EPM2A: variants seen among roughly 807,000 people sequenced by gnomAD.
The protein encoded by EPM2A is laforin.
EPM2A carries 21 observed loss-of-function variants against 26.5 expected under a neutral mutation model. The observed-to-expected ratio is 0.79, with a 90% CI of 0.56 to 1.14. The LOEUF (loss-of-function observed/expected upper bound fraction) is 1.14, where lower values mean the gene tolerates loss of function less well. Among genes scored for constraint, EPM2A ranks in the 50% most tolerant of loss-of-function variants. EPM2A has a pLI of 0.00. For synonymous variants in EPM2A, 217 were observed against 177.6 expected, an observed-to-expected ratio of 1.22 and a Z score of -1.76; for missense variants, 458 against 440.8, an observed-to-expected ratio of 1.04 and a Z score of -0.35.
chr6:145,403,583 T>C (rs542820251), intron 4 of EPM2A, among the ~76,000 whole-genome samples: 1 of 152,288 alleles, frequency 6.6e-6, no homozygotes, highest in East Asian at 1.9e-4. Flanking sequence ...CATGTTGTTG[T>C]AAATGATTAG....
At chr6:145,693,995 G>C (rs1781428986) in intron 1 of EPM2A, among the ~76,000 whole-genome samples, 3 of 151,834 alleles carry the variant, frequency 2.0e-5, no homozygotes, top group African/African-American at 4.8e-5. Context: ...ATTTTACATA[G>C]TTCTATAAGT....
intron 2 of EPM2A, among the ~76,000 whole-genome samples, chr6:145,536,734 A>C (rs375473809): frequency 1.3e-5 from 2 of 152,274 alleles, no homozygotes; most frequent in Middle Eastern, 3.4e-3. Context: ...AGTCATCCAC[A>C]CTCAGCCCCT....
At chr6:145,495,733 C>T (rs1779809235) in intron 4 of EPM2A, among the ~76,000 whole-genome samples, 1 of 152,106 alleles carries the variant, frequency 6.6e-6, no homozygotes, top group Non-Finnish European at 1.5e-5. Flanking sequence ...TGTGCCACCA[C>T]ACCTGGCTAA....
chr6:145,696,772 GGTATGT>G (rs1189685982), intron 1 of EPM2A, among the ~76,000 whole-genome samples: 134 of 110,798 alleles, frequency 1.2e-3, no homozygotes, highest in East Asian at 3.4e-3. Context: ...CACAGGTAGG[GGTATGT>G]GTGTGTGTGT....
chr6:145,719,027 C>G (rs1342695905), intron 1 of EPM2A, among the ~76,000 whole-genome samples: 1 of 152,182 alleles, frequency 6.6e-6, no homozygotes, highest in Non-Finnish European at 1.5e-5. Context: ...TGTTGGTGGA[C>G]TGTAAACTAG....
Position 145,625,912 on chromosome 6 carries a change from T to A in EPM2A, c.*1504A>T. On this transcript the variant is annotated 3_prime_UTR_variant, in exon 4 of 4. Transcript: ENST00000367519. ...AGAAAAATAAATACGCATCATAGTT[T>A]AATTAGGAAAGTAAGGGCTTTGAAT... 1 of 1,428,304 alleles carries A rather than the reference T, an allele frequency of 7.0e-7. No homozygotes were observed. The highest frequency in any genetic ancestry group is 9.2e-7 in the Non-Finnish European group (1 of 1,087,512). 88.5% of individuals were successfully genotyped at this position (1,428,304 alleles called of 1,614,324 possible). A position where few individuals can be genotyped will look rare whatever the true frequency, so the allele number is the denominator to read the frequency against.
chr6:145,527,108 G>A lies in EPM2A; in HGVS notation c.341-24533C>T, dbSNP rs958255935. On this transcript the variant is annotated intron_variant, in intron 2 of 3. Coordinates refer to the EPM2A transcript ENST00000450221. ...TTTATGTGGTTTTGAGAGATCTTCCGAATATTGATTTCTATTTTATTCCAC... is the reference window on the plus strand; with the variant it reads ...TTTATGTGGTTTTGAGAGATCTTCCAAATATTGATTTCTATTTTATTCCAC... Among the ~76,000 whole-genome samples, 5 of 152,046 alleles carry A rather than the reference G, an allele frequency of 3.3e-5. No individual in the cohort carries two copies. The East Asian group carries it at 5.8e-4, about 18-fold the overall frequency.
At chr6:145,469,793 G>T (rs1175445825) in intron 4 of EPM2A, among the ~76,000 whole-genome samples, 7 of 152,038 alleles carry the variant, frequency 4.6e-5, no homozygotes, top group Admixed American at 2.0e-4. Context: ...CAGATCAATG[G>T]ATAAAGAAAA....
intron 2 of EPM2A, among the ~76,000 whole-genome samples, chr6:145,605,537 T>G (rs2128550965): frequency 6.6e-6 from 1 of 152,194 alleles, no homozygotes; most frequent in South Asian, 2.1e-4. Context: ...CAGGAAAATG[T>G]AGGAGTATGA....
intron 4 of EPM2A, among the ~76,000 whole-genome samples, chr6:145,485,710 T>C (rs1262852223): frequency 6.6e-6 from 1 of 152,188 alleles, no homozygotes; most frequent in African/African-American, 2.4e-5. Flanking sequence ...TAGTCTGTTT[T>C]CATGATGCTG....
chr6:145,648,180 G>A (rs1321654444), intron 2 of EPM2A, among the ~76,000 whole-genome samples: 2 of 152,204 alleles, frequency 1.3e-5, no homozygotes, highest in East Asian at 1.9e-4. Flanking sequence ...GTAAATAGGT[G>A]GTGGATGGTG....
At chr6:145,610,918 A>G (rs1250456571) in intron 2 of EPM2A, among the ~76,000 whole-genome samples, 1 of 152,240 alleles carries the variant, frequency 6.6e-6, no homozygotes, top group Non-Finnish European at 1.5e-5. Flanking sequence ...GAAAATGGCT[A>G]GCTCATTTAA....
intron 4 of EPM2A, among the ~76,000 whole-genome samples, chr6:145,384,464 G>A (rs1582711802): frequency 6.8e-6 from 1 of 147,428 alleles, no homozygotes; most frequent in African/African-American, 2.5e-5. Context: ...TCTAAGATTC[G>A]GTGTCAATAA....
chr6:145,663,709 T>C (rs1401724831), intron 2 of EPM2A, among the ~76,000 whole-genome samples: 1 of 135,980 alleles, frequency 7.4e-6, no homozygotes, highest in Admixed American at 7.9e-5. Flanking sequence ...AGACACATAA[T>C]TGTCAGATTC....
chr6:145,703,234 G>T (rs779035215), intron 1 of EPM2A, among the ~76,000 whole-genome samples: 1 of 151,880 alleles, frequency 6.6e-6, no homozygotes, highest in Admixed American at 6.6e-5. Context: ...TGGAACTACA[G>T]GCGTCCGCCA....
chr6:145,437,770 T>C (rs1207140599), intron 4 of EPM2A, among the ~76,000 whole-genome samples: 1 of 152,212 alleles, frequency 6.6e-6, no homozygotes, highest in East Asian at 1.9e-4. Flanking sequence ...AGCAATTGCA[T>C]GGTTGCTGAA....
At chr6:145,464,815 C>T (rs940273165) in intron 4 of EPM2A, among the ~76,000 whole-genome samples, 45 of 152,022 alleles carry the variant, frequency 3.0e-4, no homozygotes, top group African/African-American at 1.0e-3. Flanking sequence ...TTAGAAAACC[C>T]TTCAAAGCCC....
At chr6:145,497,764 G>A (rs1779839762), downstream of EPM2A, among the ~76,000 whole-genome samples, 1 of 152,266 alleles carries the variant, frequency 6.6e-6, no homozygotes, top group Admixed American at 6.5e-5. Flanking sequence ...TAGTTAGGAA[G>A]TCCTGCCCAG....
chr6:145,612,129 A>AT (rs1230424090), intron 2 of EPM2A, among the ~76,000 whole-genome samples: 1 of 152,170 alleles, frequency 6.6e-6, no homozygotes, highest in Non-Finnish European at 1.5e-5. Context: ...ACATTTCACC[A>AT]TTTTTTGACA....
Sources: gnomAD v4.1 joint callset for allele counts (sites outside exome capture counted in the v4.1 genomes callset) on GRCh38, gnomAD v4.1.1 for gene constraint, MANE v1.5 for transcripts, NCBI Gene and HGNC (gene_info 2026-07-23, HGNC 2026-07-21) for gene names.